The following CAMK4 variants were observed in gnomAD, a reference collection of about 807,000 sequenced individuals.
CAMK4 encodes calcium/calmodulin dependent protein kinase IV, also known as calcium/calmodulin-dependent protein kinase type IV.
Under a neutral mutation model 44.9 loss-of-function variants are expected in CAMK4, and 22 were observed. The observed-to-expected ratio is 0.49, with a 90% CI of 0.35 to 0.70. The LOEUF is 0.70. Ranked by LOEUF, CAMK4 falls within the 30% of genes least tolerant of loss-of-function variation. The pLI is 0.01. For missense variants in CAMK4, 498 were observed against 586.8 expected, an observed-to-expected ratio of 0.85 and a Z score of 1.56; for synonymous variants, 218 against 215.4, an observed-to-expected ratio of 1.01 and a Z score of -0.11.
intron 8 of CAMK4, among the ~76,000 whole-genome samples, chr5:111,475,306 TG>T (rs1383431014): frequency 6.6e-6 from 1 of 152,122 alleles, no homozygotes; most frequent in Non-Finnish European, 1.5e-5. Flanking sequence ...TACCAACAAT[TG>T]GTAGGTACAT....
At chr5:111,417,642 C>T (rs959403180) in intron 5 of CAMK4, among the ~76,000 whole-genome samples, 3 of 152,170 alleles carry the variant, frequency 2.0e-5, no homozygotes, top group African/African-American at 4.8e-5. Context: ...AGATGTCAGC[C>T]CCCATGCCTG....
intron 2 of CAMK4, among the ~76,000 whole-genome samples, chr5:111,345,993 C>T (rs1237777335): frequency 6.6e-6 from 1 of 151,932 alleles, no homozygotes; most frequent in Non-Finnish European, 1.5e-5. Context: ...CCTGGAAAAA[C>T]CTCAGCTTTG....
At position 111,482,682 on chromosome 5, in the gene CAMK4, G is replaced by A; in HGVS notation, c.829-103G>A. 2.2e-6 allele frequency: 2 copies of A among 925,930 alleles called. No individual in the cohort carries two copies. The highest frequency in any genetic ancestry group is 2.4e-4 in the Middle Eastern group (1 of 4,246). The allele number at this position is 925,930 out of a possible 1,614,324, so 57.4% of individuals were successfully genotyped here. A position where few individuals can be genotyped will look rare whatever the true frequency, so the allele number is the denominator to read the frequency against. On this transcript the variant is annotated intron_variant, in intron 9 of 10. Coordinates refer to ENST00000282356, the MANE Select transcript of CAMK4 (RefSeq NM_001744.6). This position sits in a 1 kb window ranked among gnomAD's most constrained non-coding sequence, Gnocchi z 4.9. ...AATTTTTTTCTCACATATATTTAGT[G>A]GTACTGCTGGGAAATGGAATAAGAT... is the stretch of plus-strand genomic sequence containing the variant.
Position 111,341,347 on chromosome 5 carries a change from T to G in CAMK4, c.162-2677T>G, listed in dbSNP as rs1580619409. 2.0e-5 allele frequency among the ~76,000 whole-genome samples: 3 copies of G among 151,370 alleles called. No individual in the cohort carries two copies. The South Asian group carries it at 6.2e-4, about 31-fold the overall frequency. On this transcript the variant is annotated intron_variant, in intron 1 of 10. Transcript: ENST00000282356. Reference sequence around the variant, plus strand: ...CAGTTCCTGGTTTTGCATTTCTATCTGTGATCCATTTTGAGTAATTTTTTA... The same window carrying G: ...CAGTTCCTGGTTTTGCATTTCTATCGGTGATCCATTTTGAGTAATTTTTTA...
chr5:111,358,553 A>G (rs989544097), intron 2 of CAMK4, among the ~76,000 whole-genome samples: 3 of 150,694 alleles, frequency 2.0e-5, no homozygotes, highest in Non-Finnish European at 4.4e-5. Context: ...CACTGGCAGG[A>G]TTTTTCTTTT....
At chr5:111,361,609 C>T (rs1167525543) in intron 2 of CAMK4, among the ~76,000 whole-genome samples, 1 of 151,974 alleles carries the variant, frequency 6.6e-6, no homozygotes, top group Non-Finnish European at 1.5e-5. Context: ...ATATAAAGGA[C>T]ATGGTTGATA....
chr5:111,422,158 C>T (rs7717724), intron 5 of CAMK4, among the ~76,000 whole-genome samples: 2 of 152,184 alleles, frequency 1.3e-5, no homozygotes, highest in East Asian at 1.9e-4. Flanking sequence ...AGTCTATACA[C>T]ATTCCTCTAT....
chr5:111,290,338 T>A lies in CAMK4; in HGVS notation c.162-53686T>A, dbSNP rs999406492. Among the ~76,000 whole-genome samples, 1 of 152,152 alleles carries A rather than the reference T, an allele frequency of 6.6e-6. No individual in the cohort carries two copies. ...TTTGCATCTTCTTGTCATACATTAA[T>A]CCCTAGCCAGAGATTAGAGCCTGAG... On this transcript the variant is annotated intron_variant, in intron 1 of 10. Coordinates refer to ENST00000282356, the MANE Select transcript of CAMK4 (RefSeq NM_001744.6). This position sits in a 1 kb window ranked among gnomAD's most constrained non-coding sequence, Gnocchi z 4.5.
At chr5:111,238,233 C>A (rs540427232) in intron 1 of CAMK4, among the ~76,000 whole-genome samples, 3 of 152,176 alleles carry the variant, frequency 2.0e-5, no homozygotes, top group Non-Finnish European at 4.4e-5. Flanking sequence ...AGCCTAGGTA[C>A]CAGTCATTTC....
intron 2 of CAMK4, among the ~76,000 whole-genome samples, chr5:111,358,422 A>C (rs1173431448): frequency 6.6e-6 from 1 of 152,046 alleles, no homozygotes; most frequent in Non-Finnish European, 1.5e-5. Context: ...TCACAGGATA[A>C]ATTCAGTTAA....
At chr5:111,442,538 A>G (rs935228309) in intron 5 of CAMK4, among the ~76,000 whole-genome samples, 3 of 149,334 alleles carry the variant, frequency 2.0e-5, no homozygotes, top group Admixed American at 6.7e-5. Flanking sequence ...ATATATATAT[A>G]TATATACACA....
chr5:111,450,645 C>T (rs1380962355), intron 7 of CAMK4, among the ~76,000 whole-genome samples: 2 of 145,476 alleles, frequency 1.4e-5, no homozygotes, highest in South Asian at 2.1e-4. Context: ...AAAAATAACC[C>T]GGCATGGTGG....
intron 4 of CAMK4, among the ~76,000 whole-genome samples, chr5:111,391,306 C>G (rs1178199554): frequency 7.9e-5 from 12 of 151,986 alleles, no homozygotes; most frequent in Non-Finnish European, 1.3e-4. Flanking sequence ...ACTTAAGAGC[C>G]ATGAAACTAG....
At chr5:111,407,558 A>T (rs1201160302) in intron 5 of CAMK4, among the ~76,000 whole-genome samples, 1 of 152,192 alleles carries the variant, frequency 6.6e-6, no homozygotes, top group Non-Finnish European at 1.5e-5. Context: ...TGCTCATTCC[A>T]AACAAGTATA....
chr5:111,426,556 C>G (rs768755185), intron 5 of CAMK4, among the ~76,000 whole-genome samples: 1 of 152,182 alleles, frequency 6.6e-6, no homozygotes, highest in Non-Finnish European at 1.5e-5. Flanking sequence ...CAGGTGAGCT[C>G]TCATGGTACC....
chr5:111,300,633 T>C (rs1747681201), intron 1 of CAMK4, among the ~76,000 whole-genome samples: 1 of 152,224 alleles, frequency 6.6e-6, no homozygotes. Context: ...TTTAAATGAA[T>C]AAATGAGTTT....
intron 2 of CAMK4, among the ~76,000 whole-genome samples, chr5:111,352,057 C>T (rs538542806): frequency 2.6e-5 from 4 of 152,138 alleles, no homozygotes; most frequent in African/African-American, 7.2e-5. Context: ...GAGGGCTCTA[C>T]CCTCATTATC....
rs972252806 is a variant in CAMK4 at position 111,293,103 on chromosome 5, C to T, written c.162-50921C>T. ...TATTAAACTGAATATAATTGGTATT[C>T]AGAGTAATACAACCAGTGATTTCTC... On this transcript the variant is annotated intron_variant, in intron 1 of 10. Coordinates refer to ENST00000282356, the MANE Select transcript of CAMK4 (RefSeq NM_001744.6). 3.3e-5 allele frequency among the ~76,000 whole-genome samples: 5 copies of T among 152,230 alleles called. No homozygotes were observed. In the East Asian group the frequency reaches 9.7e-4, roughly 29 times the overall value.
At chr5:111,461,588 TCTC>T (rs1378719876) in intron 7 of CAMK4, among the ~76,000 whole-genome samples, 11 of 152,066 alleles carry the variant, frequency 7.2e-5, no homozygotes, top group African/African-American at 2.4e-4. Flanking sequence ...AGTGCATTCT[TCTC>T]CTCTGGGTTC....
Sources: allele counts gnomAD v4.1 joint callset (sites outside exome capture counted in the v4.1 genomes callset), GRCh38; gene constraint gnomAD v4.1.1; non-coding constraint Gnocchi (gnomAD v3.1); transcripts MANE v1.5; gene names NCBI Gene and HGNC (gene_info 2026-07-23, HGNC 2026-07-21).